GRID2: variants seen among roughly 807,000 people sequenced by gnomAD.
GRID2 encodes the protein glutamate receptor ionotropic, delta-2.
GRID2 carries 33 observed loss-of-function variants against 114.8 expected under a neutral mutation model. The observed-to-expected ratio is 0.29, with a 90% CI of 0.22 to 0.38. GRID2 has a LOEUF of 0.38. GRID2 is among the 10% of genes least tolerant of loss of function. The pLI is 1.00. For synonymous variants in GRID2, 505 were observed against 449.9 expected (o/e 1.12, Z -1.55); for missense variants, 1,184 against 1,257.7 (o/e 0.94, Z 0.89).
chr4:92,625,010 A>G (rs867653532), intron 2 of GRID2, among the ~76,000 whole-genome samples: 1 of 151,712 alleles, frequency 6.6e-6, no homozygotes, highest in Non-Finnish European at 1.5e-5. Flanking sequence ...TTGGTGGTAT[A>G]CCTTTTTAGA....
At chr4:93,166,685 T>A (rs1174634083) in intron 4 of GRID2, among the ~76,000 whole-genome samples, 1 of 152,102 alleles carries the variant, frequency 6.6e-6, no homozygotes, top group Non-Finnish European at 1.5e-5. Flanking sequence ...AGGGATATAA[T>A]CTCTTCTGGC....
chr4:93,371,878 G>C (rs1369958381), intron 8 of GRID2, among the ~76,000 whole-genome samples: 3 of 150,660 alleles, frequency 2.0e-5, no homozygotes, highest in Admixed American at 6.7e-5. Context: ...CTCCTGAGTA[G>C]CTGGGATTAC....
At chr4:93,021,020 G>A (rs1394767243) in intron 2 of GRID2, among the ~76,000 whole-genome samples, 2 of 149,356 alleles carry the variant, frequency 1.3e-5, no homozygotes, top group Non-Finnish European at 3.0e-5. Flanking sequence ...GTGACAGAGC[G>A]AGAATTTGTC....
intron 2 of GRID2, among the ~76,000 whole-genome samples, chr4:92,610,884 G>C (rs1412749902): frequency 6.6e-6 from 1 of 151,552 alleles, no homozygotes; most frequent in African/African-American, 2.4e-5. Context: ...CAAGTGACAA[G>C]ATTTTTTTCT....
At chr4:92,929,606 A>G (rs1286681228) in intron 2 of GRID2, among the ~76,000 whole-genome samples, 1 of 151,410 alleles carries the variant, frequency 6.6e-6, no homozygotes, top group Non-Finnish European at 1.5e-5. Flanking sequence ...TGTAAAAGTC[A>G]TGCTAACATT....
intron 2 of GRID2, among the ~76,000 whole-genome samples, chr4:92,869,317 A>G (rs1745108349): frequency 6.6e-6 from 1 of 152,224 alleles, no homozygotes; most frequent in Non-Finnish European, 1.5e-5. Context: ...GGTACTCAAT[A>G]CAGAAGCTTT....
chr4:92,734,771 GTTTTTTTTTTCTT>G (rs1736510639), intron 2 of GRID2, among the ~76,000 whole-genome samples: 1 of 137,752 alleles, frequency 7.3e-6, no homozygotes, highest in Non-Finnish European at 1.6e-5. Context: ...CTTTTTTTTA[GTTTTTTTTTTCTT>G]TTTTTTTTTT....
At chr4:93,262,682 C>T (rs1227998131) in intron 8 of GRID2, among the ~76,000 whole-genome samples, 2 of 151,840 alleles carry the variant, frequency 1.3e-5, no homozygotes, top group Admixed American at 6.6e-5. Flanking sequence ...ATGATTTCCT[C>T]TTATTTTACA....
At chr4:92,757,245 G>A (rs538779873) in intron 2 of GRID2, among the ~76,000 whole-genome samples, 1 of 151,970 alleles carries the variant, frequency 6.6e-6, no homozygotes, top group Non-Finnish European at 1.5e-5. Context: ...CATTGTGGAG[G>A]CCACTTGTTT....
At chr4:92,982,882 C>G (rs1754302042) in intron 2 of GRID2, among the ~76,000 whole-genome samples, 1 of 152,048 alleles carries the variant, frequency 6.6e-6, no homozygotes, top group Non-Finnish European at 1.5e-5. Flanking sequence ...ATTAACCGTT[C>G]TCATTAACCT....
At chr4:93,083,046 A>G (rs1578938409) in intron 2 of GRID2, among the ~76,000 whole-genome samples, 1 of 152,244 alleles carries the variant, frequency 6.6e-6, no homozygotes, top group South Asian at 2.1e-4. Flanking sequence ...AACTGTATAA[A>G]TTTTGTGGTA....
At chr4:93,119,897 G>C (rs1361604540) in intron 4 of GRID2, among the ~76,000 whole-genome samples, 2 of 152,010 alleles carry the variant, frequency 1.3e-5, no homozygotes, top group African/African-American at 4.8e-5. Context: ...TTTTTGATGG[G>C]GTTGTTTTTT....
intron 5 of GRID2, among the ~76,000 whole-genome samples, chr4:93,207,950 C>A (rs1743003318): frequency 6.6e-6 from 1 of 151,902 alleles, no homozygotes; most frequent in Non-Finnish European, 1.5e-5. Flanking sequence ...TTGTCAAATT[C>A]TTGTGAAAGT....
intron 1 of GRID2, among the ~76,000 whole-genome samples, chr4:92,336,083 G>A (rs543540496): frequency 4.2e-4 from 64 of 152,136 alleles, no homozygotes; most frequent in South Asian, 1.5e-3. Flanking sequence ...AAATATTTGC[G>A]GTAATGTCTA....
intron 8 of GRID2, among the ~76,000 whole-genome samples, chr4:93,255,441 GT>G (rs1472237637): frequency 6.6e-6 from 1 of 151,974 alleles, no homozygotes; most frequent in African/African-American, 2.4e-5. Context: ...TTTTTGTTTT[GT>G]TTTTGTTTTT....
At chr4:93,003,547 G>A (rs1721215084) in intron 2 of GRID2, among the ~76,000 whole-genome samples, 1 of 151,882 alleles carries the variant, frequency 6.6e-6, no homozygotes. Flanking sequence ...ATACATTTGT[G>A]ATATTACTTT....
chr4:92,586,355 T>TACATAC, intron 1 of GRID2, among the ~76,000 whole-genome samples: 1 of 146,012 alleles, frequency 6.8e-6, no homozygotes, highest in South Asian at 2.2e-4. Context: ...ACAAAAAATC[T>TACATAC]ACACACACAC....
intron 4 of GRID2, among the ~76,000 whole-genome samples, chr4:93,172,600 G>GA (rs201819089): frequency 0.012 from 1,752 of 142,970 alleles, 39 homozygotes; most frequent in African/African-American, 0.038. Flanking sequence ...TCAAAAAAAA[G>GA]AAAAAAAAAA....
At chr4:93,131,512 T>C (rs2149375768) in intron 4 of GRID2, among the ~76,000 whole-genome samples, 1 of 151,982 alleles carries the variant, frequency 6.6e-6, no homozygotes, top group Non-Finnish European at 1.5e-5. Flanking sequence ...TAAGAGGAGG[T>C]TAAAATAACT....
Sources: allele counts gnomAD v4.1 joint callset (sites outside exome capture counted in the v4.1 genomes callset), GRCh38; gene constraint gnomAD v4.1.1; transcripts MANE v1.5; gene names NCBI Gene and HGNC (gene_info 2026-07-23, HGNC 2026-07-21).